Variants in TARBP1 observed in about 807,000 individuals in gnomAD.
TARBP1 encodes tRNA (guanosine(18)-2'-O)-methyltransferase TARBP1.
In TARBP1, 144 loss-of-function variants were observed where a neutral mutation model predicts 178.6. The ratio of observed to expected loss-of-function variants is 0.81; its 90% CI spans 0.70 to 0.93. The LOEUF (loss-of-function observed/expected upper bound fraction) is 0.93. Ranked by LOEUF, TARBP1 falls within the 40% of genes least tolerant of loss-of-function variation. TARBP1 has a pLI of 0.00. For missense variants in TARBP1, 2,067 were observed against 2,011.7 expected (o/e 1.03, Z -0.53); for synonymous variants, 787 against 781.0 (o/e 1.01, Z -0.13).
chr1:234,412,150 G>A (rs528466889), intron 22 of TARBP1, among the ~76,000 whole-genome samples: 8 of 152,288 alleles, frequency 5.3e-5, no homozygotes, highest in East Asian at 1.9e-4. Flanking sequence ...GGGCCTGGGC[G>A]CTGTGGCCCA....
intron 1 of TARBP1, among the ~76,000 whole-genome samples, chr1:234,473,259 G>A (rs1026312444): frequency 2.0e-5 from 3 of 152,188 alleles, no homozygotes; most frequent in African/African-American, 7.2e-5. Context: ...AAATCCCCCG[G>A]AACCAAAGGA....
intron 12 of TARBP1, among the ~76,000 whole-genome samples, chr1:234,442,222 A>T (rs1472436232): frequency 1.3e-5 from 2 of 152,218 alleles, no homozygotes; most frequent in Non-Finnish European, 2.9e-5. Context: ...GATCCATAAA[A>T]CAAAACAAAA....
rs747353358 is a variant in TARBP1, at chr1:234,427,302, A to G, written c.3323+15T>C. 7 of 1,587,766 alleles carry G rather than the reference A, an allele frequency of 4.4e-6. No individual in the cohort carries two copies. The highest frequency in any genetic ancestry group is 1.1e-5 in the South Asian group (1 of 87,428). ...TCTCATTTATGTGAAGACAGAGAAA[A>G]TCTACCATACTTACTTTTCCATAAC... On this transcript the variant is annotated intron_variant, in intron 19 of 29. Coordinates refer to ENST00000040877, the MANE Select transcript of TARBP1 (RefSeq NM_005646.4).
At chr1:234,414,862 T>C (rs1030508305) in intron 22 of TARBP1, among the ~76,000 whole-genome samples, 1 of 152,124 alleles carries the variant, frequency 6.6e-6, no homozygotes, top group Admixed American at 6.5e-5. Flanking sequence ...TGCACACCTG[T>C]AGTCCCAGCT....
chr1:234,450,496 T>C lies in TARBP1; in HGVS notation c.1793A>G (p.His598Arg). Residue 598 changes from histidine to arginine, a missense_variant, in exon 10 of 30, where the codon CAC becomes CGC. Coordinates refer to ENST00000040877, the MANE Select transcript of TARBP1 (RefSeq NM_005646.4). ...PSPTCSSIGL[H>R]KTSLNAYVKS... ...TACATAAGCATTTAAAGATGTCTTG[T>C]GAAGTCCAATGGAGCTACACGTAGG... is the stretch of plus-strand genomic sequence containing the variant. 3 of 1,612,108 alleles carry C rather than the reference T, an allele frequency of 1.9e-6. No individual in the cohort carries two copies. Among genetic ancestry groups the C allele is most frequent in the Non-Finnish European group, 2.5e-6 (3 of 1,179,306 alleles).
chr1:234,478,694 G>A lies in TARBP1; in HGVS notation c.410C>T (p.Ala137Val), dbSNP rs1315993245. 2 of 1,214,130 alleles carry A rather than the reference G, an allele frequency of 1.6e-6. No homozygotes were observed. Among genetic ancestry groups the A allele is most frequent in the Non-Finnish European group, 2.0e-6 (2 of 975,976 alleles). The allele number at this position is 1,214,130 out of a possible 1,614,324, so 75.2% of individuals were successfully genotyped here. A position where few individuals can be genotyped will look rare whatever the true frequency, so the allele number is the denominator to read the frequency against. Residue 137 changes from alanine to valine, a missense_variant, in exon 1 of 30, where the codon GCC becomes GTC. Coordinates refer to ENST00000040877, the MANE Select transcript of TARBP1 (RefSeq NM_005646.4). ...TGCTAGCACTTCCACGGCAGCCTCG[G>A]CGCCAGGCGCGCGCCACCCGGCGAG... Reference protein sequence around the residue: ...DLLAGWRAPGAEAAVEVLAAV... With the variant: ...DLLAGWRAPGVEAAVEVLAAV...
chr1:234,426,637 T>C (rs1441014740), intron 19 of TARBP1, among the ~76,000 whole-genome samples: 3 of 152,212 alleles, frequency 2.0e-5, no homozygotes, highest in Non-Finnish European at 2.9e-5. Context: ...GATACAATGC[T>C]ATTTTAATCA....
chr1:234,474,875 T>G (rs995866375), intron 1 of TARBP1, among the ~76,000 whole-genome samples: 1 of 152,162 alleles, frequency 6.6e-6, no homozygotes, highest in Non-Finnish European at 1.5e-5. Context: ...CCTAAACTGT[T>G]GTGCGGTGGG....
Position 234,478,785 on chromosome 1 carries a change from A to G in TARBP1, c.319T>C (p.Cys107Arg). ...TGCGGACGCCCGGCCAGGCGGACGCACGAGCGCAGGGCCGCGCCCGCCGCC... is the reference window on the plus strand; with the variant it reads ...TGCGGACGCCCGGCCAGGCGGACGCGCGAGCGCAGGGCCGCGCCCGCCGCC... ...LRAAGAALRS[C>R]VRLAGRPQLA... The change falls in exon 1 of 30, where the codon TGC (cysteine) becomes CGC (arginine). Residue 107 changes from cysteine to arginine, a missense_variant. Cys to Arg is a radical substitution (Grantham distance 180, BLOSUM62 -3). Coordinates refer to ENST00000040877, the MANE Select transcript of TARBP1 (RefSeq NM_005646.4). 1 of 1,109,388 alleles carries G rather than the reference A, an allele frequency of 9.0e-7. No homozygotes were observed. Among genetic ancestry groups the G allele is most frequent in the Non-Finnish European group, 1.1e-6 (1 of 913,132 alleles). 68.7% of individuals were successfully genotyped at this position (1,109,388 alleles called of 1,614,324 possible). A position where few individuals can be genotyped will look rare whatever the true frequency, so the allele number is the denominator to read the frequency against.
At chr1:234,473,723 C>G (rs1277192558) in intron 1 of TARBP1, among the ~76,000 whole-genome samples, 1 of 152,192 alleles carries the variant, frequency 6.6e-6, no homozygotes, top group Non-Finnish European at 1.5e-5. Flanking sequence ...GGGCTTAGAG[C>G]TTTAAACCCA....
Position 234,465,194 on chromosome 1 carries a change from T to C in TARBP1, c.1301+462A>G, listed in dbSNP as rs1490451649. On this transcript the variant is annotated intron_variant, in intron 5 of 29. Transcript: ENST00000040877. ...ATGCGCACACAGGGAGAGGCAACGA[T>C]CAAGCAAATGCAGTAAAACCTTAAC... Among the ~76,000 whole-genome samples the C allele has an allele frequency of 3.9e-5, 6 of 152,134 alleles. No individual in the cohort carries two copies. The East Asian group carries it at 9.6e-4, about 24-fold the overall frequency.
intron 23 of TARBP1, among the ~76,000 whole-genome samples, chr1:234,408,505 C>G (rs1189297448): frequency 2.0e-5 from 3 of 152,174 alleles, no homozygotes; most frequent in African/African-American, 7.2e-5. Flanking sequence ...AATTATGGTT[C>G]AGGAGTCATG....
intron 8 of TARBP1, 91 bp downstream of exon 8, chr1:234,459,139 G>T: frequency 1.2e-6 from 1 of 812,936 alleles, no homozygotes; most frequent in Non-Finnish European, 2.0e-6. Flanking sequence ...CTTTCTAATG[G>T]CAGTATCACA....
intron 20 of TARBP1, 122 bp downstream of exon 20, chr1:234,425,551 C>A: frequency 9.2e-7 from 1 of 1,087,394 alleles, no homozygotes; most frequent in Non-Finnish European, 1.3e-6. Context: ...AAATACAGAA[C>A]ATAAACTTTG....
At chr1:234,422,344 C>A (rs1039746457) in intron 20 of TARBP1, among the ~76,000 whole-genome samples, 1 of 152,100 alleles carries the variant, frequency 6.6e-6, no homozygotes, top group Admixed American at 6.6e-5. Context: ...TAAAAATCAC[C>A]AGCCACAACT....
At chr1:234,466,532 ACTAT>A (rs1668456074) in intron 4 of TARBP1, among the ~76,000 whole-genome samples, 1 of 150,470 alleles carries the variant, frequency 6.6e-6, no homozygotes, top group Non-Finnish European at 1.5e-5. Flanking sequence ...AAATTATATC[ACTAT>A]CTGAGAAATA....
At chr1:234,469,118 C>T (rs1369526775) in intron 3 of TARBP1, among the ~76,000 whole-genome samples, 1 of 132,686 alleles carries the variant, frequency 7.5e-6, no homozygotes. Context: ...ACTTTCGCAC[C>T]AACCTAATAG....
chr1:234,423,508 C>A (rs2103105588), intron 20 of TARBP1, among the ~76,000 whole-genome samples: 1 of 152,316 alleles, frequency 6.6e-6, no homozygotes, highest in Non-Finnish European at 1.5e-5. Flanking sequence ...GCTAAACTCC[C>A]ATTTTCTTCT....
chr1:234,459,128 C>G (rs913735760), intron 8 of TARBP1, 102 bp downstream of exon 8: 2 of 725,062 alleles, frequency 2.8e-6, no homozygotes, highest in Non-Finnish European at 4.6e-6. Context: ...TACAAGCAGG[C>G]CTTTCTAATG....
Sources: allele counts gnomAD v4.1 joint callset (sites outside exome capture counted in the v4.1 genomes callset), GRCh38; gene constraint gnomAD v4.1.1; transcripts MANE v1.5; gene names NCBI Gene and HGNC (gene_info 2026-07-23, HGNC 2026-07-21).